HPSE2: variants seen among roughly 807,000 people sequenced by gnomAD.
HPSE2 encodes the protein inactive heparanase-2.
In HPSE2, 38 loss-of-function variants were observed where a neutral mutation model predicts 60.5. The ratio of observed to expected loss-of-function variants is 0.63; its 90% CI spans 0.48 to 0.82. HPSE2 has a LOEUF of 0.82. Among genes scored for constraint, HPSE2 ranks in the 40% least tolerant of loss-of-function variants. HPSE2 has a pLI of 0.00. For missense variants in HPSE2, 713 were observed against 740.4 expected (o/e 0.96, Z 0.43); for synonymous variants, 295 against 293.2 (o/e 1.01, Z -0.06).
chr10:98,738,801 T>G (rs987515057), intron 4 of HPSE2, among the ~76,000 whole-genome samples: 1 of 152,186 alleles, frequency 6.6e-6, no homozygotes. Flanking sequence ...AGAATTATGA[T>G]CATTAAAAAG....
chr10:99,170,591 C>T (rs937097863), intron 2 of HPSE2, among the ~76,000 whole-genome samples: 1 of 152,220 alleles, frequency 6.6e-6, no homozygotes, highest in Non-Finnish European at 1.5e-5. Context: ...TACACTAGAA[C>T]TCATATCCAA....
At position 98,710,889 on chromosome 10, in the gene HPSE2, A is replaced by G. The variant is rs374758140; in HGVS notation, c.956+10768T>C. ...AATTGGCCTAAGATTTTTTCTCAAG[A>G]TAGAGTGCCAGGCCCTGTTTACTAA... On this transcript the variant is annotated intron_variant, in intron 5 of 11. Coordinates refer to ENST00000370552, the MANE Select transcript of HPSE2 (RefSeq NM_021828.5). Among the ~76,000 whole-genome samples the G allele has an allele frequency of 3.9e-5, 6 of 152,164 alleles. 1 individual carries two copies. In the East Asian group the frequency reaches 7.7e-4, roughly 20 times the overall value.
intron 6 of HPSE2, among the ~76,000 whole-genome samples, chr10:98,672,090 T>A (rs1040853436): frequency 3.9e-5 from 6 of 152,156 alleles, no homozygotes; most frequent in African/African-American, 1.4e-4. Context: ...TTACATAAAT[T>A]TTGAATTCCT....
In HPSE2 at chr10:99,137,243, G is replaced by A. The variant is rs972120009; in HGVS notation, c.610+6995C>T. On this transcript the variant is annotated intron_variant, in intron 3 of 11. Transcript: ENST00000370552. ...ACCACTGCTCAGTGAAATAAAAGAC[G>A]ACACAAACAAATGGAAAAACATTCC... 3.3e-5 allele frequency among the ~76,000 whole-genome samples: 5 copies of A among 152,110 alleles called. No individual in the cohort carries two copies. In the South Asian group the frequency reaches 8.3e-4, roughly 25 times the overall value.
rs568495012 is a variant in HPSE2, at chr10:98,676,153, G to A, written c.1004+17747C>T. On this transcript the variant is annotated intron_variant, in intron 6 of 11. Coordinates refer to ENST00000370552, the MANE Select transcript of HPSE2 (RefSeq NM_021828.5). ...CATCCATACATTTAACACATGCCCC[G>A]ATATAATGTATGCGATGTGCTTGGG... Among the ~76,000 whole-genome samples the A allele has an allele frequency of 2.6e-5, 4 of 152,208 alleles. No homozygotes were observed. In the East Asian group the frequency reaches 5.8e-4, roughly 22 times the overall value.
chr10:98,605,208 A>G (rs970724708), intron 9 of HPSE2, among the ~76,000 whole-genome samples: 4 of 152,164 alleles, frequency 2.6e-5, no homozygotes, highest in African/African-American at 9.7e-5. Context: ...TATTTTCACA[A>G]ATATTTATCA....
chr10:99,086,632 G>A lies in HPSE2; in HGVS notation c.610+57606C>T, dbSNP rs1057491254. On this transcript the variant is annotated intron_variant, in intron 3 of 11. Transcript: ENST00000370552. ...CTCCCAAAGTGCTGGGATTACAGGC[G>A]TGAGCCACCGCGCCCGGCCGGAAAA... Among the ~76,000 whole-genome samples the A allele has an allele frequency of 2.3e-4, 35 of 152,118 alleles. 1 individual carries two copies. Among genetic ancestry groups the A allele is most frequent in the African/African-American group, 8.2e-4 (34 of 41,520 alleles).
chr10:98,600,000 G>T (rs964467744), intron 9 of HPSE2, among the ~76,000 whole-genome samples: 1 of 152,144 alleles, frequency 6.6e-6, no homozygotes, highest in Admixed American at 6.5e-5. Context: ...AATCTGAGCC[G>T]CTAACTAATA....
intron 3 of HPSE2, among the ~76,000 whole-genome samples, chr10:99,016,138 C>G (rs1439085579): frequency 6.6e-6 from 1 of 152,180 alleles, no homozygotes; most frequent in African/African-American, 2.4e-5. Flanking sequence ...ATTGTATTGT[C>G]TAGGTTGCCT....
intron 3 of HPSE2, among the ~76,000 whole-genome samples, chr10:98,979,635 A>T (rs1956163455): frequency 6.6e-6 from 1 of 152,244 alleles, no homozygotes; most frequent in African/African-American, 2.4e-5. Flanking sequence ...TTGATTAAAA[A>T]TGTGACCAGA....
chr10:98,530,444 T>C (rs907963136), intron 9 of HPSE2, among the ~76,000 whole-genome samples: 5 of 152,202 alleles, frequency 3.3e-5, no homozygotes, highest in African/African-American at 1.2e-4. Context: ...CCAGTGATGC[T>C]GATGGTCTGG....
chr10:98,462,705 C>T (rs907005161), intron 11 of HPSE2, among the ~76,000 whole-genome samples: 1 of 152,136 alleles, frequency 6.6e-6, no homozygotes, highest in East Asian at 1.9e-4. Context: ...CTGCCTGCTT[C>T]TCAGATGCTA....
intron 9 of HPSE2, among the ~76,000 whole-genome samples, chr10:98,544,601 T>A (rs1292670711): frequency 6.7e-6 from 1 of 149,142 alleles, no homozygotes; most frequent in Admixed American, 6.7e-5. Flanking sequence ...TAGTCCCAGC[T>A]ACGCGGGAGG....
intron 5 of HPSE2, among the ~76,000 whole-genome samples, chr10:98,714,363 C>A (rs545841835): frequency 6.6e-6 from 1 of 152,006 alleles, no homozygotes; most frequent in Non-Finnish European, 1.5e-5. Context: ...AGACACTCTT[C>A]ATTTCCCCAA....
chr10:99,207,822 C>T (rs1403489125), intron 2 of HPSE2, among the ~76,000 whole-genome samples: 1 of 151,826 alleles, frequency 6.6e-6, no homozygotes, highest in Non-Finnish European at 1.5e-5. Flanking sequence ...ACCTTATTCA[C>T]AAGGGATACA....
chr10:98,641,502 G>A (rs1391163096), intron 7 of HPSE2, among the ~76,000 whole-genome samples: 1 of 151,808 alleles, frequency 6.6e-6, no homozygotes, highest in African/African-American at 2.4e-5. Context: ...CAGGTAAATC[G>A]CTTGAACCCA....
At chr10:99,104,053 C>A (rs1353747465) in intron 3 of HPSE2, among the ~76,000 whole-genome samples, 2 of 152,168 alleles carry the variant, frequency 1.3e-5, no homozygotes, top group Non-Finnish European at 2.9e-5. Flanking sequence ...TTAGGCAATA[C>A]CATTCAGGAC....
At chr10:99,314,839 G>C in the HPSE2 span, among the ~76,000 whole-genome samples, 1 of 152,138 alleles carries the variant, frequency 6.6e-6, no homozygotes. Flanking sequence ...GATCTCCTCA[G>C]AGTTACATAC....
intron 3 of HPSE2, among the ~76,000 whole-genome samples, chr10:98,881,850 T>C (rs1953032818): frequency 6.6e-6 from 1 of 151,996 alleles, no homozygotes; most frequent in South Asian, 2.1e-4. Flanking sequence ...ACTGTGTAGA[T>C]TACATTATTT....
Sources: allele counts gnomAD v4.1 joint callset (sites outside exome capture counted in the v4.1 genomes callset), GRCh38; gene constraint gnomAD v4.1.1; transcripts MANE v1.5; gene names NCBI Gene and HGNC (gene_info 2026-07-23, HGNC 2026-07-21).